The following MAP2K5 variants were observed in gnomAD, a reference collection of about 807,000 sequenced individuals.
MAP2K5 encodes the protein mitogen-activated protein kinase kinase 5.
MAP2K5 carries 49 observed loss-of-function variants against 83.1 expected under a neutral mutation model. The observed-to-expected ratio is 0.59, with a 90% CI of 0.47 to 0.75. The LOEUF (loss-of-function observed/expected upper bound fraction) is 0.75. MAP2K5 is among the 30% of genes least tolerant of loss of function. The pLI is 0.00. For missense variants in MAP2K5, 457 were observed against 557.5 expected (o/e 0.82, Z 1.82); for synonymous variants, 202 against 191.8 (o/e 1.05, Z -0.44).
intron 19 of MAP2K5, among the ~76,000 whole-genome samples, chr15:67,751,031 A>G (rs1019007117): frequency 1.3e-5 from 2 of 152,116 alleles, no homozygotes; most frequent in African/African-American, 2.4e-5. Flanking sequence ...TTAACCTGTT[A>G]TGGCCTGGCA....
At chr15:67,607,245 T>G (rs916169544) in intron 8 of MAP2K5, among the ~76,000 whole-genome samples, 5 of 152,226 alleles carry the variant, frequency 3.3e-5, no homozygotes, top group African/African-American at 7.2e-5. Context: ...ATGACTGGAT[T>G]GCATTATAGT....
At position 67,762,048 on chromosome 15, in the gene MAP2K5, G is replaced by A. The variant is rs370777968; in HGVS notation, c.1135-7554G>A. Reference sequence around the variant, plus strand: ...TGAATAATTACCTTTAGACCAGCCTGAGCAGGAGACTTCCCACGAGGGTGA... The same window carrying A: ...TGAATAATTACCTTTAGACCAGCCTAAGCAGGAGACTTCCCACGAGGGTGA... On this transcript the variant is annotated intron_variant, in intron 19 of 21. Coordinates refer to ENST00000178640, the MANE Select transcript of MAP2K5 (RefSeq NM_145160.3). Among the ~76,000 whole-genome samples the A allele has an allele frequency of 1.3e-4, 20 of 152,336 alleles. No homozygotes were observed. In the South Asian group the frequency reaches 4.1e-3, roughly 32 times the overall value.
At chr15:67,605,791 G>A (rs4533223) in intron 8 of MAP2K5, among the ~76,000 whole-genome samples, 126,809 of 152,124 alleles carry the variant, frequency 0.83, 53,700 homozygotes, top group Middle Eastern at 0.93. Context: ...CCCTTGGTAC[G>A]TCTTGGCTAA....
intron 13 of MAP2K5, chr15:67,670,503 A>T (rs2087504058): frequency 2.2e-6 from 1 of 454,300 alleles, no homozygotes; most frequent in South Asian, 1.6e-5. Flanking sequence ...TTTTAAAATT[A>T]AAAAGTAAAC....
chr15:67,632,939 G>A (rs2086507993), intron 9 of MAP2K5, among the ~76,000 whole-genome samples: 1 of 152,072 alleles, frequency 6.6e-6, no homozygotes, highest in Non-Finnish European at 1.5e-5. Flanking sequence ...CTTGTGAGGG[G>A]GTACAACAGA....
intron 2 of MAP2K5, among the ~76,000 whole-genome samples, chr15:67,557,371 T>C (rs189636314): frequency 8.7e-4 from 133 of 152,344 alleles, no homozygotes; most frequent in Admixed American, 3.8e-3. Flanking sequence ...GGTTTCACTT[T>C]TCTATTACAC....
chr15:67,669,337 T>C (rs796316041), intron 13 of MAP2K5, among the ~76,000 whole-genome samples: 7 of 152,070 alleles, frequency 4.6e-5, no homozygotes, highest in African/African-American at 1.7e-4. Context: ...AAAAAGTAGA[T>C]TGAGGTTAGG....
At chr15:67,804,602 A>G (rs1566970216) in intron 21 of MAP2K5, among the ~76,000 whole-genome samples, 1 of 152,192 alleles carries the variant, frequency 6.6e-6, no homozygotes, top group African/African-American at 2.4e-5. Context: ...GAACGCCTCT[A>G]CGCTCCCTCC....
chr15:67,707,521 T>C (rs1216058909), intron 16 of MAP2K5, among the ~76,000 whole-genome samples: 1 of 152,238 alleles, frequency 6.6e-6, no homozygotes, highest in Non-Finnish European at 1.5e-5. Flanking sequence ...TTTCCTTTCT[T>C]CAATAATTCT....
chr15:67,696,038 G>A (rs2088244678), intron 15 of MAP2K5, among the ~76,000 whole-genome samples: 1 of 151,986 alleles, frequency 6.6e-6, no homozygotes, highest in East Asian at 1.9e-4. Flanking sequence ...TGGGGGTGGG[G>A]GGAGGTGGAA....
intron 16 of MAP2K5, among the ~76,000 whole-genome samples, chr15:67,721,022 T>G (rs1442833319): frequency 6.6e-6 from 1 of 152,196 alleles, no homozygotes; most frequent in African/African-American, 2.4e-5. Flanking sequence ...AGGAACAGCA[T>G]TAGGATATTG....
chr15:67,688,603 T>C (rs768462857), intron 13 of MAP2K5, among the ~76,000 whole-genome samples: 8 of 152,232 alleles, frequency 5.3e-5, no homozygotes, highest in Non-Finnish European at 1.2e-4. Flanking sequence ...TAATGAAATA[T>C]ACAACTTTTT....
intron 8 of MAP2K5, chr15:67,627,972 C>G (rs2086366186): frequency 1.3e-6 from 1 of 770,992 alleles, no homozygotes; most frequent in Admixed American, 1.8e-5. Context: ...GGAACACTCA[C>G]AGACTGTGGT....
rs56896938 is a variant in MAP2K5, at chr15:67,575,922, T to TCTTTCTTTCTTTC, written c.253-4832_253-4831insCTTTCTTTCTTTC. ...TTTCTTTCTTTCTTTCTTTCTTTTT[T>TCTTTCTTTCTTTC]TTTTTTTTTTTTTTTAAGATGGAGT... is the stretch of plus-strand genomic sequence containing the variant. On this transcript the variant is annotated intron_variant, in intron 3 of 21. Transcript: ENST00000178640. 7.7e-3 allele frequency among the ~76,000 whole-genome samples: 448 copies of TCTTTCTTTCTTTC among 58,350 alleles called. 4 individuals are homozygous for TCTTTCTTTCTTTC. The highest frequency in any genetic ancestry group is 0.023 in the African/African-American group (403 of 17,846). 38.3% of individuals were successfully genotyped at this position (58,350 alleles called of 152,430 possible).
At chr15:67,548,881 T>C (rs2084448388) in intron 1 of MAP2K5, 4 of 470,936 alleles carry the variant, frequency 8.5e-6, no homozygotes, top group Admixed American at 8.4e-5. Context: ...ATAGTCCTCT[T>C]TGATCAGTTT....
In MAP2K5 at chr15:67,646,793, T is replaced by C. The variant is rs541583481; in HGVS notation, c.736+324T>C. ...CAAAACAGATGTTCTGTTCTTTTAA[T>C]GTTTCAATAGCCAAAACAGATTTTC... On this transcript the variant is annotated intron_variant, in intron 11 of 21. Transcript: ENST00000178640. 3.7e-3 allele frequency among the ~76,000 whole-genome samples: 567 copies of C among 152,344 alleles called. 4 individuals are homozygous for C. Among genetic ancestry groups the C allele is most frequent in the African/African-American group, 0.013 (536 of 41,598 alleles).
chr15:67,790,697 G>C lies in MAP2K5; in HGVS notation c.1243-15949G>C, dbSNP rs1017554015. The stretch of plus-strand genomic sequence containing the variant: ...CAGCCTTTAATTCTCTACTGCAGCT[G>C]TCAGGAGAGCCAGTCACATAAAAAC... On this transcript the variant is annotated intron_variant, in intron 21 of 21. Transcript: ENST00000178640. This position sits in a 1 kb window ranked among gnomAD's most constrained non-coding sequence, Gnocchi z 4.6. Among the ~76,000 whole-genome samples, 1 of 151,524 alleles carries C rather than the reference G, an allele frequency of 6.6e-6. No homozygotes were observed. The highest frequency in any genetic ancestry group is 1.5e-5 in the Non-Finnish European group (1 of 67,976).
intron 9 of MAP2K5, among the ~76,000 whole-genome samples, chr15:67,645,742 G>A (rs553904355): frequency 6.7e-6 from 1 of 149,860 alleles, no homozygotes; most frequent in African/African-American, 2.5e-5. Flanking sequence ...TTGTAGAGAT[G>A]GGTTCTCGCT....
At chr15:67,772,684 G>C (rs1409654688) in intron 20 of MAP2K5, 23 bp from the exon 21 acceptor site, 1 of 1,520,138 alleles carries the variant, frequency 6.6e-7, no homozygotes, top group East Asian at 2.4e-5. Context: ...ATAACATAAG[G>C]GGTTTTTTTC....
Sources: allele counts gnomAD v4.1 joint callset (sites outside exome capture counted in the v4.1 genomes callset), GRCh38; gene constraint gnomAD v4.1.1; non-coding constraint Gnocchi (gnomAD v3.1); transcripts MANE v1.5; gene names NCBI Gene and HGNC (gene_info 2026-07-23, HGNC 2026-07-21).